MED12L: variants seen among roughly 807,000 people sequenced by gnomAD.
MED12L encodes the protein mediator complex subunit 12L, also known as mediator of RNA polymerase II transcription subunit 12-like protein.
MED12L carries 60 observed loss-of-function variants against 281.3 expected under a neutral mutation model. The ratio of observed to expected loss-of-function variants is 0.21; its 90% CI spans 0.17 to 0.26. MED12L has a LOEUF of 0.26. Ranked by LOEUF, MED12L falls within the 10% of genes least tolerant of loss-of-function variation. The pLI is 1.00. For synonymous variants in MED12L, 974 were observed against 987.2 expected (o/e 0.99, Z 0.25); for missense variants, 2,146 against 2,680.9 (o/e 0.80, Z 4.41).
At chr3:151,319,283 TGCTGGTTTTTATA>T (rs1748688400) in intron 16 of MED12L, among the ~76,000 whole-genome samples, 1 of 152,200 alleles carries the variant, frequency 6.6e-6, no homozygotes, top group African/African-American at 2.4e-5. Flanking sequence ...ATTTTTTTCC[TGCTGGTTTTTATA>T]GCAAGTCTCA....
rs113870797 is a variant in MED12L, at chr3:151,356,046, A to G, written c.2661+7A>G. 0.01 allele frequency: 16,509 copies of G among 1,603,770 alleles called. 129 individuals carry two copies. Among genetic ancestry groups the G allele is most frequent in the South Asian group, 0.023 (2,059 of 88,822 alleles). On this transcript the variant is annotated splice_region_variant and intron_variant, in intron 19 of 44. Transcript: ENST00000687756. ...AATTGACTTCGCAATACAGGTGTCA[A>G]AGAGACCATGTTTCTCTTACTTTTA...
At chr3:151,361,324 A>G (rs931429795) in intron 21 of MED12L, among the ~76,000 whole-genome samples, 6 of 152,144 alleles carry the variant, frequency 3.9e-5, no homozygotes, top group African/African-American at 1.4e-4. Context: ...CCCTCACTGA[A>G]TAACATTAAA....
chr3:151,386,797 A>C (rs575182982), intron 36 of MED12L, among the ~76,000 whole-genome samples: 2 of 151,722 alleles, frequency 1.3e-5, no homozygotes, highest in African/African-American at 4.8e-5. Context: ...GCTGGTCTTG[A>C]ACTCCTGACC....
At chr3:151,143,418 A>T (rs894021491) in intron 5 of MED12L, among the ~76,000 whole-genome samples, 1 of 152,198 alleles carries the variant, frequency 6.6e-6, no homozygotes, top group East Asian at 1.9e-4. Context: ...GTGAAAAAAG[A>T]AAATGTAGTT....
chr3:151,418,209 C>A (rs1186775808), intron 43 of MED12L, among the ~76,000 whole-genome samples: 1 of 152,126 alleles, frequency 6.6e-6, no homozygotes, highest in Non-Finnish European at 1.5e-5. Context: ...ACATGTGCCT[C>A]TTTACCCTTA....
At chr3:151,317,531 A>G (rs1014998175) in intron 16 of MED12L, among the ~76,000 whole-genome samples, 2 of 126,996 alleles carry the variant, frequency 1.6e-5, no homozygotes, top group Non-Finnish European at 3.1e-5. Context: ...GCTTGCTGCA[A>G]CCTCCACCTC....
intron 11 of MED12L, among the ~76,000 whole-genome samples, chr3:151,182,385 T>C (rs1722810048): frequency 6.6e-6 from 1 of 152,174 alleles, no homozygotes. Context: ...CCTTGTTTAC[T>C]AGTGAGAGAA....
chr3:151,341,073 T>G lies in MED12L; in HGVS notation c.2251-8986T>G, dbSNP rs1751759941. Among the ~76,000 whole-genome samples, 4 of 152,282 alleles carry G rather than the reference T, an allele frequency of 2.6e-5. No individual in the cohort carries two copies. The South Asian group carries it at 8.3e-4, about 32-fold the overall frequency. ...TCGAAGTCTGCTTCCTGGAGAAGAT[T>G]TTAAGCTTGCTTTCTTGGGTGGTTA... On this transcript the variant is annotated intron_variant, in intron 16 of 44. Coordinates refer to ENST00000687756, the MANE Select transcript of MED12L (RefSeq NM_001393769.1).
chr3:151,179,587 C>T (rs994429718), intron 11 of MED12L, among the ~76,000 whole-genome samples: 2 of 152,104 alleles, frequency 1.3e-5, no homozygotes, highest in African/African-American at 4.8e-5. Context: ...GGGGAAGGAG[C>T]AGTAGGGGTA....
intron 16 of MED12L, chr3:151,294,419 G>A: frequency 6.2e-7 from 1 of 1,613,956 alleles, no homozygotes; most frequent in Non-Finnish European, 8.5e-7. Flanking sequence ...GTGACTAAAA[G>A]TAAAAGGAAT....
chr3:151,405,424 G>T (rs1049999924), intron 39 of MED12L, among the ~76,000 whole-genome samples: 9 of 152,154 alleles, frequency 5.9e-5, no homozygotes, highest in African/African-American at 2.2e-4. Flanking sequence ...CTCTCTTACT[G>T]ATATGCTTAA....
At chr3:151,171,094 A>G (rs1032882470) in intron 11 of MED12L, among the ~76,000 whole-genome samples, 3 of 152,140 alleles carry the variant, frequency 2.0e-5, no homozygotes, top group Non-Finnish European at 4.4e-5. Flanking sequence ...TTCCTGGTAC[A>G]TGTCTTCTAC....
intron 16 of MED12L, among the ~76,000 whole-genome samples, chr3:151,249,306 T>C (rs953393421): frequency 6.6e-6 from 1 of 152,186 alleles, no homozygotes; most frequent in African/African-American, 2.4e-5. Flanking sequence ...ATAGCTTCTG[T>C]ATTTATTGGG....
chr3:151,288,459 C>G (rs1743839401), intron 16 of MED12L, among the ~76,000 whole-genome samples: 1 of 151,842 alleles, frequency 6.6e-6, no homozygotes, highest in South Asian at 2.1e-4. Context: ...TTTGGAGATC[C>G]ACATCACTAA....
chr3:151,298,084 T>C (rs9827619), intron 16 of MED12L, among the ~76,000 whole-genome samples: 66,467 of 151,972 alleles, frequency 0.44, 14,842 homozygotes, highest in Middle Eastern at 0.64. Context: ...TTTGAGAGTT[T>C]CGTGTGATTA....
intron 16 of MED12L, among the ~76,000 whole-genome samples, chr3:151,290,472 T>C (rs1211715972): frequency 1.3e-5 from 2 of 152,224 alleles, no homozygotes; most frequent in Non-Finnish European, 2.9e-5. Flanking sequence ...GAAAATTTTA[T>C]TTAACACTGG....
intron 16 of MED12L, chr3:151,199,308 C>T (rs1169118194): frequency 2.5e-5 from 40 of 1,613,532 alleles, no homozygotes; most frequent in Non-Finnish European, 3.3e-5. Flanking sequence ...ATAATTCCAA[C>T]AAGGAAAACT....
At position 151,364,958 on chromosome 3, in the gene MED12L, C is replaced by CT. The variant is rs747351253; in HGVS notation, c.2958-14dup. The CT allele has an allele frequency of 1.1e-5, 17 of 1,559,752 alleles. No homozygotes were observed. In the African/African-American group the frequency reaches 1.8e-4, roughly 16 times the overall value. On this transcript the variant is annotated intron_variant, in intron 21 of 44. Transcript: ENST00000687756. ...TTCTAGTTTTATTTTTCTGTTTTAA[C>CT]TTTTTTTCTTATAACCTCAGTAGTG...
At position 151,436,458 on chromosome 3, in the gene MED12L, T is replaced by C. The variant is rs1419350883; in HGVS notation, c.*3654T>C. On this transcript the variant is annotated 3_prime_UTR_variant, in exon 45 of 45. Transcript: ENST00000687756. ...TTCAATGTTTGTTTATTGTTATTTGTTGGCAAAATAAAAGTGCCTTAAGTT... is the reference window on the plus strand; with the variant it reads ...TTCAATGTTTGTTTATTGTTATTTGCTGGCAAAATAAAAGTGCCTTAAGTT... 6 of 398,988 alleles carry C rather than the reference T, an allele frequency of 1.5e-5. No homozygotes were observed. In the East Asian group the frequency reaches 2.2e-4, roughly 15 times the overall value. 24.7% of individuals were successfully genotyped at this position (398,988 alleles called of 1,614,324 possible). A position where few individuals can be genotyped will look rare whatever the true frequency, so the allele number is the denominator to read the frequency against.
Sources: gnomAD v4.1 joint callset for allele counts (sites outside exome capture counted in the v4.1 genomes callset) on GRCh38, gnomAD v4.1.1 for gene constraint, MANE v1.5 for transcripts, NCBI Gene and HGNC (gene_info 2026-07-23, HGNC 2026-07-21) for gene names.